Variants in SLC44A5 observed in about 807,000 individuals in gnomAD.
SLC44A5 encodes choline transporter-like protein 5.
SLC44A5 carries 57 observed loss-of-function variants against 101.8 expected under a neutral mutation model. The observed-to-expected ratio is 0.56, with a 90% confidence interval of 0.45 to 0.70. SLC44A5 has a LOEUF of 0.70. Among genes scored for constraint, SLC44A5 ranks in the 30% least tolerant of loss-of-function variants. The pLI, the probability that SLC44A5 is intolerant of heterozygous loss-of-function variation, is 0.00. For synonymous variants in SLC44A5, 281 were observed against 290.9 expected (o/e 0.97, Z 0.35); for missense variants, 737 against 853.1 (o/e 0.86, Z 1.70).
In SLC44A5 at chr1:75,455,936, G is replaced by A. The variant is rs140700831; in HGVS notation, c.14-59315C>T. ...GAATGTAAATTAGTCCAGCCACTGT[G>A]GAAAGCAGTTTGGAGATTTCTCCAA... On this transcript the variant is annotated intron_variant, in intron 2 of 23. Coordinates refer to ENST00000370859, the MANE Select transcript of SLC44A5 (RefSeq NM_001130058.2). 1.2e-3 allele frequency among the ~76,000 whole-genome samples: 190 copies of A among 152,224 alleles called. 1 individual carries two copies. The highest frequency in any genetic ancestry group is 4.2e-3 in the African/African-American group (176 of 41,544).
chr1:75,500,245 G>T (rs1668884873), intron 2 of SLC44A5, among the ~76,000 whole-genome samples: 1 of 152,174 alleles, frequency 6.6e-6, no homozygotes, highest in African/African-American at 2.4e-5. Flanking sequence ...AATACTGAAA[G>T]TCATGCATCA....
chr1:75,321,529 G>A (rs1422325023), intron 4 of SLC44A5, among the ~76,000 whole-genome samples: 1 of 151,734 alleles, frequency 6.6e-6, no homozygotes, highest in Non-Finnish European at 1.5e-5. Flanking sequence ...CATTCCTGAG[G>A]TCACCACCCT....
chr1:75,692,777 C>T, the SLC44A5 span, among the ~76,000 whole-genome samples: 2 of 152,100 alleles, frequency 1.3e-5, no homozygotes, highest in Non-Finnish European at 2.9e-5. Flanking sequence ...TAATATTCAT[C>T]TAGGAATGTT....
At chr1:75,400,875 A>G (rs1412462450) in intron 2 of SLC44A5, among the ~76,000 whole-genome samples, 1 of 152,228 alleles carries the variant, frequency 6.6e-6, no homozygotes, top group African/African-American at 2.4e-5. Context: ...TTCTCATGGC[A>G]AGGACTGCCA....
upstream of SLC44A5, among the ~76,000 whole-genome samples, chr1:75,614,925 G>T (rs1201008333): frequency 1.3e-5 from 2 of 152,054 alleles, no homozygotes; most frequent in Admixed American, 1.3e-4. Flanking sequence ...CTAGGGAGCC[G>T]ACAAGCTGCG....
chr1:75,568,396 G>C (rs533426617), intron 1 of SLC44A5, among the ~76,000 whole-genome samples: 1 of 152,250 alleles, frequency 6.6e-6, no homozygotes, highest in East Asian at 1.9e-4. Flanking sequence ...TAGATGGTTA[G>C]AAATAGTGAG....
chr1:75,486,042 C>T (rs1229652495), intron 2 of SLC44A5, among the ~76,000 whole-genome samples: 1 of 152,120 alleles, frequency 6.6e-6, no homozygotes, highest in Non-Finnish European at 1.5e-5. Context: ...AATGCAGAGC[C>T]AAACCATACC....
chr1:75,326,420 G>T (rs1656604227), intron 4 of SLC44A5, among the ~76,000 whole-genome samples: 1 of 151,700 alleles, frequency 6.6e-6, no homozygotes. Context: ...GTCCTATTTT[G>T]CTCTTCCAAT....
At chr1:75,441,495 G>GA (rs1225047033) in intron 2 of SLC44A5, among the ~76,000 whole-genome samples, 37 of 139,180 alleles carry the variant, frequency 2.7e-4, no homozygotes, top group African/African-American at 6.9e-4. Flanking sequence ...AAAAGTCAAG[G>GA]AAAAAAAAAA....
the SLC44A5 span, among the ~76,000 whole-genome samples, chr1:75,715,335 C>G: frequency 6.6e-6 from 1 of 152,012 alleles, no homozygotes; most frequent in Non-Finnish European, 1.5e-5. Flanking sequence ...CCCAAATAGC[C>G]AGGGCAACCC....
intron 5 of SLC44A5, among the ~76,000 whole-genome samples, chr1:75,284,553 G>A (rs771057019): frequency 3.9e-4 from 60 of 152,178 alleles, no homozygotes; most frequent in Middle Eastern, 3.4e-3. Context: ...ACATTGAATA[G>A]AAGTGTTGAA....
intron 5 of SLC44A5, among the ~76,000 whole-genome samples, chr1:75,297,800 C>T (rs1015537783): frequency 1.3e-5 from 2 of 152,060 alleles, no homozygotes; most frequent in Non-Finnish European, 2.9e-5. Context: ...TTACTTCTAC[C>T]CAGACGCCAC....
At chr1:75,486,179 C>T (rs1028827852) in intron 2 of SLC44A5, among the ~76,000 whole-genome samples, 2 of 152,298 alleles carry the variant, frequency 1.3e-5, no homozygotes, top group Admixed American at 6.5e-5. Context: ...TTACAAGGCT[C>T]TATTCAAGAC....
intron 2 of SLC44A5, among the ~76,000 whole-genome samples, chr1:75,415,002 A>G (rs1663544521): frequency 6.6e-6 from 1 of 152,176 alleles, no homozygotes; most frequent in Non-Finnish European, 1.5e-5. Flanking sequence ...GAGAATGATG[A>G]GAAGGAAATA....
intron 5 of SLC44A5, among the ~76,000 whole-genome samples, chr1:75,286,435 A>G (rs1653054243): frequency 6.6e-6 from 1 of 152,080 alleles, no homozygotes. Flanking sequence ...CGCCAATCCA[A>G]ATCTTTTAAG....
At chr1:75,325,554 G>A (rs192605406) in intron 4 of SLC44A5, among the ~76,000 whole-genome samples, 15 of 152,086 alleles carry the variant, frequency 9.9e-5, no homozygotes, top group African/African-American at 3.4e-4. Flanking sequence ...AGTATAATAA[G>A]GTATTTTGAG....
At chr1:75,235,022 C>A (rs1160284955) in intron 11 of SLC44A5, among the ~76,000 whole-genome samples, 4 of 152,004 alleles carry the variant, frequency 2.6e-5, no homozygotes, top group Non-Finnish European at 5.9e-5. Flanking sequence ...GTTATTGTCT[C>A]AAGTGTTATC....
rs1669816746 is a variant in SLC44A5 at position 75,516,149 on chromosome 1, C to T, written c.13+25286G>A. 2.6e-5 allele frequency among the ~76,000 whole-genome samples: 4 copies of T among 152,152 alleles called. No homozygotes were observed. In the South Asian group the frequency reaches 8.3e-4, roughly 31 times the overall value. ...ATCAATCTGAAATCATCTATCTTTG[C>T]AGAAATACCATTCTTTCTAGATTTA... On this transcript the variant is annotated intron_variant, in intron 2 of 23. Coordinates refer to ENST00000370859, the MANE Select transcript of SLC44A5 (RefSeq NM_001130058.2).
chr1:75,434,676 C>G (rs1664789404), intron 2 of SLC44A5, among the ~76,000 whole-genome samples: 1 of 152,106 alleles, frequency 6.6e-6, no homozygotes, highest in African/African-American at 2.4e-5. Context: ...TGATCTCCCT[C>G]CCACCTCACG....
Sources: gnomAD v4.1 joint callset for allele counts (sites outside exome capture counted in the v4.1 genomes callset) on GRCh38, gnomAD v4.1.1 for gene constraint, MANE v1.5 for transcripts, NCBI Gene and HGNC (gene_info 2026-07-23, HGNC 2026-07-21) for gene names.